Variants in SRRM1 observed in about 807,000 individuals in gnomAD.
SRRM1 encodes the protein serine/arginine repetitive matrix protein 1.
Under a neutral mutation model 110.2 loss-of-function variants are expected in SRRM1, and 19 were observed. The observed-to-expected ratio is 0.17, with a 90% confidence interval of 0.12 to 0.25. The LOEUF (loss-of-function observed/expected upper bound fraction) is 0.25. Among genes scored for constraint, SRRM1 ranks in the 10% least tolerant of loss-of-function variants. The probability of loss-of-function intolerance (pLI) is 1.00; values close to 1 mark genes in which losing one functional copy is unlikely to be tolerated. For synonymous variants in SRRM1, 443 were observed against 414.9 expected (o/e 1.07, Z -0.82); for missense variants, 918 against 1,145.8 (o/e 0.80, Z 2.87).
At chr1:24,663,019 C>G (rs918829739) in intron 12 of SRRM1, 19 of 902,456 alleles carry the variant, frequency 2.1e-5, no homozygotes, top group Non-Finnish European at 8.3e-6. Flanking sequence ...ACCACCATGT[C>G]ATATATGTGT....
chr1:24,655,838 G>A lies in SRRM1; in HGVS notation c.1315+709G>A, dbSNP rs1663761270. On this transcript the variant is annotated intron_variant, in intron 9 of 16. Coordinates refer to ENST00000323848, the MANE Select transcript of SRRM1 (RefSeq NM_005839.4). The stretch of plus-strand genomic sequence containing the variant: ...GGCTGGAATGATATACAGCCTAAAA[G>A]GTGAGTAGTAAGGGATGGGGAGGAT... Among the ~76,000 whole-genome samples, 11 of 152,304 alleles carry A rather than the reference G, an allele frequency of 7.2e-5. No homozygotes were observed. In the South Asian group the frequency reaches 2.3e-3, roughly 32 times the overall value.
rs759096296 is a variant in SRRM1 at position 24,654,844 on chromosome 1, T to C, written c.1041-11T>C. On this transcript the variant is annotated splice_polypyrimidine_tract_variant and intron_variant, in intron 8 of 16. Coordinates refer to ENST00000323848, the MANE Select transcript of SRRM1 (RefSeq NM_005839.4). Reference sequence around the variant, plus strand: ...TGTGCAATTAGTGAATATGAATACTTTATTCCACAGAAGAAGACGTTCGTC... The same window carrying C: ...TGTGCAATTAGTGAATATGAATACTCTATTCCACAGAAGAAGACGTTCGTC... 2 of 1,613,982 alleles carry C rather than the reference T, an allele frequency of 1.2e-6. No individual in the cohort carries two copies. The highest frequency in any genetic ancestry group is 3.3e-4 in the Middle Eastern group (2 of 6,060).
chr1:24,666,825 A>G lies in SRRM1; in HGVS notation c.1639A>G (p.Arg547Gly). Residue 547 changes from arginine (R) to glycine (G), a missense_variant, in exon 13 of 17, where the codon AGG (arginine) becomes GGG (glycine). Arg to Gly is a moderately radical substitution (Grantham distance 125). Coordinates refer to ENST00000323848, the MANE Select transcript of SRRM1 (RefSeq NM_005839.4). Reference sequence around the variant, plus strand: ...TTCTTCTTGGTTTAGTGGTAGACGGAGGAGAAGTCCATCCCCACCACCCAC... The same window carrying G: ...TTCTTCTTGGTTTAGTGGTAGACGGGGGAGAAGTCCATCCCCACCACCCAC... ...QKETSPRGRR[R>G]RSPSPPPTRR... is the part of the protein sequence containing the mutation. 6.2e-7 allele frequency: 1 copy of G among 1,612,734 alleles called. No homozygotes were observed. The highest frequency in any genetic ancestry group is 8.5e-7 in the Non-Finnish European group (1 of 1,179,076).
intron 13 of SRRM1, 124 bp from the exon 14 acceptor site, chr1:24,668,999 T>A (rs1452759269): frequency 1.4e-6 from 1 of 720,652 alleles, no homozygotes; most frequent in Non-Finnish European, 2.3e-6. Flanking sequence ...GATAGCATGT[T>A]CACTTATAAA....
chr1:24,672,236 G>T lies in SRRM1; in HGVS notation c.2665G>T (p.Glu889Ter). Reference protein sequence around the residue: ...NLDDLEKHLREKALRSMRKAQ... With the variant: ...NLDDLEKHLR The stretch of plus-strand genomic sequence containing the variant: ...TGATGATTTAGAAAAGCACCTGCGT[G>T]AAAAGGCCCTGAGATCAATGAGGAA... The change falls in exon 17 of 17, where the codon GAA becomes TAA. Residue 889 changes from glutamate (E) to a stop codon, truncating the protein, a stop_gained. Transcript: ENST00000323848. LOFTEE classifies it high-confidence loss of function. The T allele has an allele frequency of 6.2e-7, 1 of 1,610,956 alleles. No individual in the cohort carries two copies. Among genetic ancestry groups the T allele is most frequent in the Non-Finnish European group, 8.5e-7 (1 of 1,178,448 alleles).
rs776302242 is a variant in SRRM1, at chr1:24,655,023, T to C, written c.1209T>C (p.Pro403=). Reference sequence around the variant, plus strand: ...CAAGGCGAAGGCACAGGCCATCACCTCCTGCAACTCCACCACCCAAAACTC... The same window carrying C: ...CAAGGCGAAGGCACAGGCCATCACCCCCTGCAACTCCACCACCCAAAACTC... The part of the protein sequence containing the change: ...SPPRRRHRPS[P]PATPPPKTRH... Residue 403 remains proline (P), a synonymous_variant, in exon 9 of 17, where the codon CCT becomes CCC. Transcript: ENST00000323848. 1 of 1,614,084 alleles carries C rather than the reference T, an allele frequency of 6.2e-7. No individual in the cohort carries two copies. Among genetic ancestry groups the C allele is most frequent in the Admixed American group, 1.7e-5 (1 of 60,000 alleles).
At chr1:24,659,293 G>C (rs1360323940) in intron 9 of SRRM1, among the ~76,000 whole-genome samples, 1 of 152,090 alleles carries the variant, frequency 6.6e-6, no homozygotes, top group African/African-American at 2.4e-5. Context: ...TGCGATTACT[G>C]TGTTAGATCA....
chr1:24,668,467 T>C (rs1671149207), intron 13 of SRRM1, among the ~76,000 whole-genome samples: 1 of 152,204 alleles, frequency 6.6e-6, no homozygotes, highest in Non-Finnish European at 1.5e-5. Flanking sequence ...TGCCAAAATA[T>C]ATGGCCTATT....
At position 24,671,526 on chromosome 1, in the gene SRRM1, T is replaced by C. The variant is rs1571166469; in HGVS notation, c.2541T>C (p.Pro847=). 2 of 1,608,812 alleles carry C rather than the reference T, an allele frequency of 1.2e-6. No individual in the cohort carries two copies. Among genetic ancestry groups the C allele is most frequent in the Non-Finnish European group, 1.7e-6 (2 of 1,178,576 alleles). The change falls in exon 16 of 17, where the codon CCT becomes CCC. Residue 847 remains proline (P), a synonymous_variant. Coordinates refer to ENST00000323848, the MANE Select transcript of SRRM1 (RefSeq NM_005839.4). ...CAGCTGCTGCAGCTGCTGTGACCCC[T>C]GCAGCCATTGCAGCTGCCACAACCA... is the stretch of plus-strand genomic sequence containing the variant. ...VAAAAAAAVT[P]AAIAAATTTL...
At chr1:24,665,679 C>T (rs890351186) in intron 12 of SRRM1, among the ~76,000 whole-genome samples, 1 of 152,172 alleles carries the variant, frequency 6.6e-6, no homozygotes. Flanking sequence ...TGCCAGTGCA[C>T]TCCAGCCTGG....
Position 24,643,335 on chromosome 1 carries a change from G to T in SRRM1, c.9G>T (p.Ala3=). The change falls in exon 1 of 17, where the codon GCG becomes GCT. Residue 3 remains alanine (A), a synonymous_variant. Transcript: ENST00000323848. The part of the protein sequence containing the change: MD[A]GFFRGTSAEQ... ...CCGAGCGAGGCGGCAAGATGGACGCGGGATTTTTCCGCGTAAGTAGAAGCG... is the reference window on the plus strand; with the variant it reads ...CCGAGCGAGGCGGCAAGATGGACGCTGGATTTTTCCGCGTAAGTAGAAGCG... 1 of 1,555,528 alleles carries T rather than the reference G, an allele frequency of 6.4e-7. No individual in the cohort carries two copies. The highest frequency in any genetic ancestry group is 8.6e-7 in the Non-Finnish European group (1 of 1,156,092).
intron 15 of SRRM1, 67 bp from the exon 16 acceptor site, chr1:24,671,319 G>A (rs1672629662): frequency 7.0e-7 from 1 of 1,428,030 alleles, no homozygotes; most frequent in African/African-American, 1.4e-5. Flanking sequence ...GAAATAAAAT[G>A]TTCAGTTGGA....
rs1673433641 is a variant in SRRM1 at position 24,673,248 on chromosome 1, T to G, written c.*962T>G. 2 of 152,136 alleles carry G rather than the reference T, an allele frequency of 1.3e-5. No homozygotes were observed. Among genetic ancestry groups the G allele is most frequent in the South Asian group, 4.1e-4 (2 of 4,832 alleles). 9.4% of individuals were successfully genotyped at this position (152,136 alleles called of 1,614,324 possible). On this transcript the variant is annotated 3_prime_UTR_variant, in exon 17 of 17. Coordinates refer to ENST00000323848, the MANE Select transcript of SRRM1 (RefSeq NM_005839.4). Reference sequence around the variant, plus strand: ...TATAAAGCTTGTGGATTAAACAGAATAAATTTCTAAATTTAAAAATTTTGC... The same window carrying G: ...TATAAAGCTTGTGGATTAAACAGAAGAAATTTCTAAATTTAAAAATTTTGC...
intron 2 of SRRM1, among the ~76,000 whole-genome samples, 192 bp downstream of exon 2, chr1:24,646,265 C>T (rs1168062061): frequency 5.3e-5 from 8 of 152,186 alleles, no homozygotes; most frequent in African/African-American, 1.9e-4. Context: ...AGGTGGCTCA[C>T]GCCTGTAATC....
chr1:24,660,386 T>C (rs7549196), intron 9 of SRRM1, among the ~76,000 whole-genome samples: 117,119 of 152,206 alleles, frequency 0.77, 45,266 homozygotes, highest in African/African-American at 0.82. Flanking sequence ...AAAATTCTTG[T>C]CTCACTTCAG....
intron 1 of SRRM1, chr1:24,643,663 C>G: frequency 2.7e-6 from 1 of 369,736 alleles, no homozygotes; most frequent in Non-Finnish European, 4.8e-6. Flanking sequence ...CCGTGCGTGC[C>G]GCCGGGTCCT....
chr1:24,658,913 G>A (rs540354804), intron 9 of SRRM1, among the ~76,000 whole-genome samples: 9 of 152,278 alleles, frequency 5.9e-5, no homozygotes, highest in African/African-American at 1.2e-4. Flanking sequence ...AAGAAAAGTC[G>A]CTGGGCGCGG....
intron 12 of SRRM1, among the ~76,000 whole-genome samples, chr1:24,665,370 A>C (rs930429879): frequency 1.3e-5 from 2 of 151,514 alleles, no homozygotes; most frequent in Non-Finnish European, 2.9e-5. Context: ...TGGAGGTTGC[A>C]GTGAGCCGAT....
At chr1:24,663,155 G>T in intron 12 of SRRM1, 1 of 1,499,294 alleles carries the variant, frequency 6.7e-7, no homozygotes, top group Non-Finnish European at 9.0e-7. Context: ...TGGAATTCTT[G>T]ACATTTGTTT....
Sources: gnomAD v4.1 joint callset for allele counts (sites outside exome capture counted in the v4.1 genomes callset) on GRCh38, gnomAD v4.1.1 for gene constraint, MANE v1.5 for transcripts, NCBI Gene and HGNC (gene_info 2026-07-23, HGNC 2026-07-21) for gene names.